The following CDC7 variants were observed in gnomAD, a reference collection of about 807,000 sequenced individuals.
CDC7 encodes the protein cell division cycle 7.
Under a neutral mutation model 53.5 loss-of-function variants are expected in CDC7, and 34 were observed. The ratio of observed to expected loss-of-function variants is 0.64; its 90% CI spans 0.48 to 0.85. The LOEUF is 0.85. Among genes scored for constraint, CDC7 ranks in the 40% least tolerant of loss-of-function variants. The pLI is 0.00. For missense variants in CDC7, 594 were observed against 679.7 expected (o/e 0.87, Z 1.40); for synonymous variants, 211 against 222.8 (o/e 0.95, Z 0.47).
chr1:91,512,910 A>ATTTTTTTTTT, intron 6 of CDC7, 148 bp from the exon 7 acceptor site: 12 of 686,178 alleles, frequency 1.7e-5, no homozygotes, highest in Non-Finnish European at 2.4e-5. Context: ...TGGAAAACTT[A>ATTTTTTTTTT]TTTTTTTTTC....
At chr1:91,522,299 C>G (rs1447718134) in intron 11 of CDC7, among the ~76,000 whole-genome samples, 1 of 152,214 alleles carries the variant, frequency 6.6e-6, no homozygotes, top group African/African-American at 2.4e-5. Context: ...ACAAACACAA[C>G]TGTGTTCCCC....
At chr1:91,514,558 T>C (rs1667459833) in intron 8 of CDC7, among the ~76,000 whole-genome samples, 1 of 152,188 alleles carries the variant, frequency 6.6e-6, no homozygotes, top group African/African-American at 2.4e-5. Context: ...ACTTCTGTAA[T>C]ATATCAGGAA....
At position 91,512,036 on chromosome 1, in the gene CDC7, T is replaced by C. The variant is rs1053244101; in HGVS notation, c.572+113T>C. On this transcript the variant is annotated intron_variant, in intron 6 of 11. Coordinates refer to ENST00000234626, the MANE Select transcript of CDC7 (RefSeq NM_003503.4). ...GTTATATATAGTACAAAAGTTACTATTGTGAAGCAAATATTTATCTCAGTT... is the reference window on the plus strand; with the variant it reads ...GTTATATATAGTACAAAAGTTACTACTGTGAAGCAAATATTTATCTCAGTT... 5 of 776,280 alleles carry C rather than the reference T, an allele frequency of 6.4e-6. No individual in the cohort carries two copies. The East Asian group carries it at 1.4e-4, about 22-fold the overall frequency. 48.1% of individuals were successfully genotyped at this position (776,280 alleles called of 1,614,324 possible).
intron 10 of CDC7, among the ~76,000 whole-genome samples, chr1:91,517,012 C>G (rs1300175831): frequency 6.6e-6 from 1 of 152,082 alleles, no homozygotes; most frequent in Non-Finnish European, 1.5e-5. Flanking sequence ...TTGCAGTGAG[C>G]CAAGATCGCA....
chr1:91,514,584 A>G (rs189979025), intron 8 of CDC7, among the ~76,000 whole-genome samples: 34 of 152,340 alleles, frequency 2.2e-4, no homozygotes, highest in African/African-American at 7.9e-4. Flanking sequence ...CTAATAAAGT[A>G]TAACTCAAAT....
chr1:91,521,819 A>C (rs769976112), intron 11 of CDC7, among the ~76,000 whole-genome samples: 3 of 152,134 alleles, frequency 2.0e-5, no homozygotes, highest in African/African-American at 7.2e-5. Context: ...ATCAAGTGCC[A>C]TGATAGCAAG....
At position 91,514,967 on chromosome 1, in the gene CDC7, C is replaced by T. The variant is rs1342507560; in HGVS notation, c.1067C>T (p.Thr356Ile). The change falls in exon 9 of 12, where the codon ACA (threonine) becomes ATA (isoleucine). Residue 356 changes from threonine to isoleucine, a missense_variant. Physicochemically the swap from Thr to Ile is moderately conservative, Grantham distance 89. Coordinates refer to ENST00000234626, the MANE Select transcript of CDC7 (RefSeq NM_003503.4). ...PASLTCDCYA[T>I]DKVCSICLSR... ...AGCCTGACCTGTGACTGCTATGCAA[C>T]AGATAAAGTTTGTAGTATTTGCCTT... The T allele has an allele frequency of 6.2e-7, 1 of 1,613,450 alleles. No homozygotes were observed. Among genetic ancestry groups the T allele is most frequent in the Admixed American group, 1.7e-5 (1 of 59,900 alleles).
At chr1:91,510,810 T>C (rs1377698689) in intron 4 of CDC7, among the ~76,000 whole-genome samples, 1 of 152,212 alleles carries the variant, frequency 6.6e-6, no homozygotes, top group East Asian at 1.9e-4. Context: ...TACCAGTTAA[T>C]TATTCTTTGC....
intron 11 of CDC7, among the ~76,000 whole-genome samples, chr1:91,520,609 C>A (rs1667887408): frequency 6.6e-6 from 1 of 152,104 alleles, no homozygotes; most frequent in Admixed American, 6.5e-5. Flanking sequence ...TTATTAAAGG[C>A]ATGTTTTACT....
chr1:91,518,992 C>T (rs954559165), intron 10 of CDC7, among the ~76,000 whole-genome samples: 9 of 136,852 alleles, frequency 6.6e-5, no homozygotes, highest in Admixed American at 5.3e-4. Flanking sequence ...GCCTGGGAGG[C>T]GGAGGTTGCA....
At chr1:91,517,504 A>G (rs568883291) in intron 10 of CDC7, among the ~76,000 whole-genome samples, 1 of 152,302 alleles carries the variant, frequency 6.6e-6, no homozygotes, top group East Asian at 1.9e-4. Context: ...AAGGAGAAGT[A>G]ACTGGTTTAT....
At chr1:91,506,001 ATTG>A (rs1268245098) in intron 2 of CDC7, among the ~76,000 whole-genome samples, 3 of 150,356 alleles carry the variant, frequency 2.0e-5, no homozygotes, top group African/African-American at 2.4e-5. Context: ...TATTTCTATT[ATTG>A]TTATTATTGT....
chr1:91,524,894 G>C lies in CDC7; in HGVS notation c.*459G>C, dbSNP rs796086733. 5.9e-5 allele frequency: 9 copies of C among 153,134 alleles called. No individual in the cohort carries two copies. The highest frequency in any genetic ancestry group is 2.2e-4 in the African/African-American group (9 of 41,462). The allele number at this position is 153,134 out of a possible 1,614,324, so 9.5% of individuals were successfully genotyped here. On this transcript the variant is annotated 3_prime_UTR_variant, in exon 12 of 12. Coordinates refer to ENST00000234626, the MANE Select transcript of CDC7 (RefSeq NM_003503.4). ...TCTTAACAATTTTGTAAATAAAGAA[G>C]ATAATTTCCTTTTCTAGAGGTACAT...
rs1410439672 is a variant in CDC7 at position 91,514,821 on chromosome 1, CA to C, written c.922del (p.Met308Ter). 9 of 1,585,462 alleles carry C rather than the reference CA, an allele frequency of 5.7e-6. No homozygotes were observed. The highest frequency in any genetic ancestry group is 7.7e-6 in the Non-Finnish European group (9 of 1,166,632). On this transcript the variant is annotated frameshift_variant, in exon 9 of 12. Transcript: ENST00000234626. LOFTEE classifies it high-confidence loss of function. ...ISHESPAVKLMKQSKTVDVLS... is the reference protein window; with the variant it reads ...ISHESPAVKLXKQSKTVDVLS... ...AAAATGAGACTTTTCTTTTACAGCTCATGAAGCAGTCAAAGACTGTGGATGT... is the reference window on the plus strand; with the variant it reads ...AAAATGAGACTTTTCTTTTACAGCTCTGAAGCAGTCAAAGACTGTGGATGT...
At chr1:91,506,723 G>C (rs13447482) in intron 2 of CDC7, among the ~76,000 whole-genome samples, 1,753 of 152,236 alleles carry the variant, frequency 0.012, 15 homozygotes, top group South Asian at 0.038. Context: ...GCCAAGGTGG[G>C]CAGATCACTT....
intron 8 of CDC7, among the ~76,000 whole-genome samples, chr1:91,514,256 A>G (rs1323366834): frequency 6.6e-6 from 1 of 152,088 alleles, no homozygotes; most frequent in African/African-American, 2.4e-5. Context: ...ATTTTTGGTT[A>G]GCTATTACTG....
intron 4 of CDC7, among the ~76,000 whole-genome samples, chr1:91,509,460 C>T (rs1667161471): frequency 1.3e-5 from 2 of 151,986 alleles, no homozygotes; most frequent in Admixed American, 6.6e-5. Context: ...GGCCAGAAAC[C>T]TAGAAATCAT....
At chr1:91,512,429 G>T (rs1043090612) in intron 6 of CDC7, among the ~76,000 whole-genome samples, 2 of 152,024 alleles carry the variant, frequency 1.3e-5, no homozygotes, top group Non-Finnish European at 2.9e-5. Context: ...CCTTAGACAT[G>T]TCTCTTATCT....
At chr1:91,506,216 T>C (rs1666980095) in intron 2 of CDC7, among the ~76,000 whole-genome samples, 1 of 151,948 alleles carries the variant, frequency 6.6e-6, no homozygotes, top group Non-Finnish European at 1.5e-5. Flanking sequence ...AGAGATAGGG[T>C]CTCAAACACC....
Sources: gnomAD v4.1 joint callset for allele counts (sites outside exome capture counted in the v4.1 genomes callset) on GRCh38, gnomAD v4.1.1 for gene constraint, MANE v1.5 for transcripts, NCBI Gene and HGNC (gene_info 2026-07-23, HGNC 2026-07-21) for gene names.